JHY: variants seen among roughly 807,000 people sequenced by gnomAD.
The protein encoded by JHY is jhy protein homolog.
A neutral mutation model predicts 78.0 loss-of-function variants in JHY; 69 were observed. The ratio of observed to expected loss-of-function variants is 0.88; its 90% CI spans 0.73 to 1.08. The LOEUF (loss-of-function observed/expected upper bound fraction) is 1.08. Ranked by LOEUF, JHY falls within the 50% of genes least tolerant of loss-of-function variation. The probability of loss-of-function intolerance (pLI) is 0.00; values close to 1 mark genes in which losing one functional copy is unlikely to be tolerated. For missense variants in JHY, 944 were observed against 927.8 expected (o/e 1.02, Z -0.23); for synonymous variants, 368 against 342.6 (o/e 1.07, Z -0.82).
chr11:122,941,057 A>G (rs1004774035), intron 5 of JHY, among the ~76,000 whole-genome samples: 10 of 152,142 alleles, frequency 6.6e-5, no homozygotes, highest in African/African-American at 2.4e-4. Context: ...GTTTTCTGGC[A>G]TAGTAATATG....
chr11:122,887,138 T>C (rs1056092584), intron 2 of JHY, among the ~76,000 whole-genome samples: 8 of 152,226 alleles, frequency 5.3e-5, no homozygotes, highest in African/African-American at 1.7e-4. Context: ...TGGGTTCAGA[T>C]AGTGGCTCTG....
chr11:122,910,507 A>G (rs1863093630), intron 3 of JHY, among the ~76,000 whole-genome samples: 1 of 151,978 alleles, frequency 6.6e-6, no homozygotes. Context: ...AAAGGAATAA[A>G]AATATATATT....
At position 122,934,759 on chromosome 11, in the gene JHY, A is replaced by G. The variant is rs752022714; in HGVS notation, c.1318A>G (p.Asn440Asp). 2.5e-6 allele frequency: 4 copies of G among 1,614,210 alleles called. No individual in the cohort carries two copies. Among genetic ancestry groups the G allele is most frequent in the South Asian group, 2.2e-5 (2 of 91,090 alleles). The part of the protein sequence containing the change: ...LRSHNLKETS[N>D]TFAPPKQAFD... ...AAGCCACAATCTCAAAGAAACCTCCAATACATTTGCTCCACCAAAACAGGC... is the reference window on the plus strand; with the variant it reads ...AAGCCACAATCTCAAAGAAACCTCCGATACATTTGCTCCACCAAAACAGGC... Residue 440 changes from asparagine to aspartate, a missense_variant, in exon 5 of 9, where the codon AAT (asparagine) becomes GAT (aspartate). Asn to Asp is a conservative substitution (Grantham distance 23, BLOSUM62 1). Coordinates refer to ENST00000227349, the MANE Select transcript of JHY (RefSeq NM_024806.4).
At chr11:122,946,917 G>C in intron 6 of JHY, 125 bp downstream of exon 6, 1 of 1,118,898 alleles carries the variant, frequency 8.9e-7, no homozygotes, top group Non-Finnish European at 1.2e-6. Context: ...GGGTCGCCCA[G>C]AGTCCTAAGG....
intron 4 of JHY, among the ~76,000 whole-genome samples, chr11:122,928,088 A>G (rs1020600185): frequency 6.6e-6 from 1 of 152,074 alleles, no homozygotes; most frequent in African/African-American, 2.4e-5. Flanking sequence ...ATTTTTCTCT[A>G]CATCCCCTAC....
intron 2 of JHY, among the ~76,000 whole-genome samples, chr11:122,890,623 C>T (rs184728236): frequency 2.6e-5 from 4 of 152,232 alleles, no homozygotes; most frequent in African/African-American, 9.6e-5. Flanking sequence ...TTGTCCAGTG[C>T]TCAGGGACCT....
intron 5 of JHY, among the ~76,000 whole-genome samples, chr11:122,941,667 TTGTTTTGCTTTGTATTCAG>T (rs1863876748): frequency 6.6e-6 from 1 of 152,214 alleles, no homozygotes; most frequent in African/African-American, 2.4e-5. Flanking sequence ...TTAAATTCAT[TTGTTTTGCTTTGTATTCAG>T]TGTTAGGATT....
chr11:122,894,374 C>T (rs370388258), intron 2 of JHY, among the ~76,000 whole-genome samples: 3 of 152,006 alleles, frequency 2.0e-5, no homozygotes, highest in African/African-American at 7.2e-5. Flanking sequence ...GAAGAAGAAA[C>T]TCTACCTAAA....
intron 3 of JHY, among the ~76,000 whole-genome samples, chr11:122,923,194 C>G (rs185542544): frequency 6.6e-6 from 1 of 152,118 alleles, no homozygotes; most frequent in East Asian, 1.9e-4. Context: ...CTGTGTTATT[C>G]CAGAGGGCAG....
At chr11:122,919,057 G>A (rs1863295521) in intron 3 of JHY, among the ~76,000 whole-genome samples, 1 of 152,008 alleles carries the variant, frequency 6.6e-6, no homozygotes, top group Non-Finnish European at 1.5e-5. Context: ...GGATGGGTCA[G>A]AATAAGTGAA....
chr11:122,953,738 C>T (rs181754837), intron 6 of JHY, among the ~76,000 whole-genome samples: 1 of 152,142 alleles, frequency 6.6e-6, no homozygotes, highest in African/African-American at 2.4e-5. Context: ...CTTCTGTTTT[C>T]TTAAAGGAGA....
rs981239888 is a variant in JHY, at chr11:122,884,373, A to G, written c.-89-1388A>G. Reference sequence around the variant, plus strand: ...AAAGTTAGGATTTGCCAAAAGAACAAGAGCAAGCCATTAAGACAAATTTTA... The same window carrying G: ...AAAGTTAGGATTTGCCAAAAGAACAGGAGCAAGCCATTAAGACAAATTTTA... On this transcript the variant is annotated intron_variant, in intron 1 of 8. Transcript: ENST00000227349. 5.3e-5 allele frequency among the ~76,000 whole-genome samples: 8 copies of G among 152,340 alleles called. No homozygotes were observed. In the East Asian group the frequency reaches 1.5e-3, roughly 29 times the overall value.
Position 122,960,478 on chromosome 11 carries a change from C to T in JHY, c.*1033C>T. 1 of 234,122 alleles carries T rather than the reference C, an allele frequency of 4.3e-6. No individual in the cohort carries two copies. Among genetic ancestry groups the T allele is most frequent in the South Asian group, 6.8e-5 (1 of 14,618 alleles). 14.5% of individuals were successfully genotyped at this position (234,122 alleles called of 1,614,324 possible). On this transcript the variant is annotated 3_prime_UTR_variant, in exon 9 of 9. Transcript: ENST00000227349. Reference sequence around the variant, plus strand: ...CCTCTACCACCTCTTCCTTCCTTTTCCTATAGAGGAAAAGTTCGTTTTGGG... The same window carrying T: ...CCTCTACCACCTCTTCCTTCCTTTTTCTATAGAGGAAAAGTTCGTTTTGGG...
chr11:122,958,215 T>C (rs1474195119), intron 8 of JHY, among the ~76,000 whole-genome samples: 7 of 152,214 alleles, frequency 4.6e-5, no homozygotes, highest in African/African-American at 1.7e-4. Flanking sequence ...AGCTTTGCAG[T>C]ACAAGTCTCT....
intron 1 of JHY, among the ~76,000 whole-genome samples, chr11:122,884,580 G>A (rs1175991026): frequency 6.6e-6 from 1 of 152,036 alleles, no homozygotes; most frequent in Non-Finnish European, 1.5e-5. Context: ...CCTTTCCATG[G>A]CTCTTTATAA....
At chr11:122,900,344 T>A (rs1862824631) in intron 2 of JHY, among the ~76,000 whole-genome samples, 8 of 152,142 alleles carry the variant, frequency 5.3e-5, no homozygotes. Flanking sequence ...TTACCCAGCA[T>A]ACAATTATGT....
intron 3 of JHY, among the ~76,000 whole-genome samples, chr11:122,911,036 T>G (rs551118500): frequency 2.0e-3 from 304 of 152,336 alleles, no homozygotes; most frequent in African/African-American, 7.0e-3. Context: ...GTTCTTACTT[T>G]TATTCATGAT....
chr11:122,897,177 A>G (rs1025535848), intron 2 of JHY, among the ~76,000 whole-genome samples: 1 of 152,092 alleles, frequency 6.6e-6, no homozygotes, highest in Admixed American at 6.6e-5. Flanking sequence ...ATTAGTTTGC[A>G]TAGTCCTCTC....
At position 122,951,153 on chromosome 11, in the gene JHY, A is replaced by T. The variant is rs888207068; in HGVS notation, c.1929+4361A>T. Among the ~76,000 whole-genome samples the T allele has an allele frequency of 2.0e-5, 3 of 152,294 alleles. No homozygotes were observed. In the South Asian group the frequency reaches 6.2e-4, roughly 32 times the overall value. On this transcript the variant is annotated intron_variant, in intron 6 of 8. Coordinates refer to ENST00000227349, the MANE Select transcript of JHY (RefSeq NM_024806.4). ...CAAGAGAATCGCCCTGAATCACATTAAAACTTGGAGGATTTGTAAAGATAA... is the reference window on the plus strand; with the variant it reads ...CAAGAGAATCGCCCTGAATCACATTTAAACTTGGAGGATTTGTAAAGATAA...
Sources: gnomAD v4.1 joint callset for allele counts (sites outside exome capture counted in the v4.1 genomes callset) on GRCh38, gnomAD v4.1.1 for gene constraint, MANE v1.5 for transcripts, NCBI Gene and HGNC (gene_info 2026-07-23, HGNC 2026-07-21) for gene names.